Variants in GRAPL observed in about 807,000 individuals in gnomAD.
GRAPL encodes the protein GRB2 related adaptor protein like.
chr17:19,147,123 C>T (rs1262012509), intron 3 of GRAPL, among the ~76,000 whole-genome samples: 2 of 144,350 alleles, frequency 1.4e-5, no homozygotes. Context: ...TCTCATTTAG[C>T]CCAAATGTGA....
At chr17:19,143,007 C>A (rs1476385191) in intron 3 of GRAPL, 1 of 100,560 alleles carries the variant, frequency 9.9e-6, no homozygotes. Flanking sequence ...ATTAGGGAGC[C>A]CCTCCTGGCC....
At chr17:19,147,061 G>C (rs549093167) in intron 3 of GRAPL, among the ~76,000 whole-genome samples, 1 of 135,330 alleles carries the variant, frequency 7.4e-6, no homozygotes, top group Admixed American at 7.2e-5. Flanking sequence ...GCGCGCGCGC[G>C]CGCGTGCATG....
intron 3 of GRAPL, among the ~76,000 whole-genome samples, chr17:19,147,197 C>T (rs2044703098): frequency 6.9e-6 from 1 of 145,488 alleles, no homozygotes; most frequent in Non-Finnish European, 1.5e-5. Flanking sequence ...AGTGGTCATC[C>T]TGTGCCCCTA....
intron 3 of GRAPL, among the ~76,000 whole-genome samples, chr17:19,148,734 G>GT (rs2044710506): frequency 8.5e-5 from 3 of 35,482 alleles, no homozygotes; most frequent in South Asian, 6.5e-3. Context: ...GTGAAACCCC[G>GT]TCTCTACTAA....
At chr17:19,149,328 CAAAAAAAAAAAAAA>C (rs1169593968) in intron 3 of GRAPL, among the ~76,000 whole-genome samples, 217 of 12,634 alleles carry the variant, frequency 0.017, 21 homozygotes, top group Admixed American at 0.028. Context: ...GACTCTGTCT[CAAAAAAAAAAAAAA>C]AAAAAAAAAA....
Position 19,147,063 on chromosome 17 carries a change from G to C in GRAPL, c.299+8475G>C, listed in dbSNP as rs1257509788. On this transcript the variant is annotated intron_variant, in intron 3 of 3. Transcript: ENST00000344415. ...TGTGTGTGTGTGTGCGCGCGCGCGCGCGTGCATGTGTCCCATCAAGGCATC... is the reference window on the plus strand; with the variant it reads ...TGTGTGTGTGTGTGCGCGCGCGCGCCCGTGCATGTGTCCCATCAAGGCATC... 1.5e-5 allele frequency among the ~76,000 whole-genome samples: 2 copies of C among 135,794 alleles called. 1 individual carries two copies. Among genetic ancestry groups the C allele is most frequent in the East Asian group, 5.0e-4 (2 of 3,972 alleles). 89.1% of individuals were successfully genotyped at this position (135,794 alleles called of 152,430 possible). A position where few individuals can be genotyped will look rare whatever the true frequency, so the allele number is the denominator to read the frequency against.
At chr17:19,147,145 C>A (rs1173412832) in intron 3 of GRAPL, among the ~76,000 whole-genome samples, 2 of 145,358 alleles carry the variant, frequency 1.4e-5, no homozygotes, top group Non-Finnish European at 3.0e-5. Context: ...CAAAAAGATC[C>A]CTAGCCTGTG....
chr17:19,151,891 T>C (rs1346419127), intron 3 of GRAPL, among the ~76,000 whole-genome samples: 4 of 114,760 alleles, frequency 3.5e-5, no homozygotes, highest in Admixed American at 9.3e-5. Flanking sequence ...TCTTTTTTTT[T>C]TTTTTTTTTT....
intron 3 of GRAPL, among the ~76,000 whole-genome samples, chr17:19,148,923 A>AC (rs2044713706): frequency 1.5e-5 from 2 of 134,372 alleles, no homozygotes; most frequent in South Asian, 6.1e-4. Context: ...AAAAAAAAAA[A>AC]AGAAAAGAAA....
intron 3 of GRAPL, among the ~76,000 whole-genome samples, chr17:19,149,019 C>T (rs932292968): frequency 1.5e-5 from 2 of 130,918 alleles, no homozygotes; most frequent in African/African-American, 5.6e-5. Flanking sequence ...AGGCTGGGCA[C>T]AGACGGGAAA....
At chr17:19,149,326 C>T (rs1597954095) in intron 3 of GRAPL, among the ~76,000 whole-genome samples, 1 of 51,264 alleles carries the variant, frequency 2.0e-5, no homozygotes, top group Non-Finnish European at 2.6e-5. Context: ...AAGACTCTGT[C>T]TCAAAAAAAA....
intron 3 of GRAPL, among the ~76,000 whole-genome samples, chr17:19,152,167 TCTCA>T (rs2044735333): frequency 2.4e-5 from 1 of 40,966 alleles, no homozygotes; most frequent in African/African-American, 8.5e-5. Flanking sequence ...TCAGACGGAG[TCTCA>T]CTCTGTTGCC....
intron 3 of GRAPL, among the ~76,000 whole-genome samples, chr17:19,151,734 ATGCCC>A: frequency 2.0e-5 from 1 of 49,920 alleles, no homozygotes; most frequent in South Asian, 6.0e-4. Flanking sequence ...ATGCACCACC[ATGCCC>A]AGCTAATTCT....
rs1323070455 is a variant in GRAPL, at chr17:19,149,669, G to C, written c.300-8650G>C. ...CCAGCTACTCGGGAGGCTGAAGCAA[G>C]AGAATCACTTGAACCTGGGAGGCAG... On this transcript the variant is annotated intron_variant, in intron 3 of 3. Transcript: ENST00000344415. 3.7e-5 allele frequency among the ~76,000 whole-genome samples: 4 copies of C among 108,272 alleles called. 2 individuals are homozygous for C. Among genetic ancestry groups the C allele is most frequent in the African/African-American group, 2.5e-4 (4 of 15,792 alleles). 71.0% of individuals were successfully genotyped at this position (108,272 alleles called of 152,430 possible). A position where few individuals can be genotyped will look rare whatever the true frequency, so the allele number is the denominator to read the frequency against.
intron 3 of GRAPL, chr17:19,142,966 C>T (rs2044680194): frequency 1.1e-5 from 1 of 93,780 alleles, no homozygotes; most frequent in Admixed American, 1.1e-4. Flanking sequence ...TATATTAAGG[C>T]TCCAAGGACT....
intron 3 of GRAPL, among the ~76,000 whole-genome samples, chr17:19,148,952 C>T (rs2152189940): frequency 7.6e-6 from 1 of 130,830 alleles, no homozygotes; most frequent in South Asian, 3.4e-4. Context: ...AGCAGGCTCT[C>T]TCCTCCGCTG....
chr17:19,149,535 C>G (rs1286525525), intron 3 of GRAPL, among the ~76,000 whole-genome samples: 8 of 94,952 alleles, frequency 8.4e-5, no homozygotes, highest in Middle Eastern at 9.8e-3. Context: ...GCCGAGGTGG[C>G]TGGATCACAA....
chr17:19,136,975 A>G (rs1597951109), intron 2 of GRAPL, among the ~76,000 whole-genome samples: 1 of 150,584 alleles, frequency 6.6e-6, no homozygotes, highest in East Asian at 1.9e-4. Context: ...GGGACTGCTA[A>G]TCACCTCCCA....
chr17:19,149,283 C>T (rs1399542526), intron 3 of GRAPL, among the ~76,000 whole-genome samples: 1 of 82,064 alleles, frequency 1.2e-5, no homozygotes. Flanking sequence ...GAGCTGAGAT[C>T]GTGCCACTGC....
Sources: gnomAD v4.1 joint callset for allele counts (sites outside exome capture counted in the v4.1 genomes callset) on GRCh38, gnomAD v4.1.1 for gene constraint, MANE v1.5 for transcripts, NCBI Gene and HGNC (gene_info 2026-07-23, HGNC 2026-07-21) for gene names.